Variants in CRHBP observed in about 807,000 individuals in gnomAD.
CRHBP encodes the protein corticotropin releasing hormone binding protein, also known as corticotropin-releasing hormone-binding protein.
A neutral mutation model predicts 34.9 loss-of-function variants in CRHBP; 19 were observed. The observed-to-expected ratio is 0.55, with a 90% confidence interval of 0.38 to 0.80. CRHBP has a LOEUF of 0.80. Among genes scored for constraint, CRHBP ranks in the 30% least tolerant of loss-of-function variants. The pLI is 0.00. For missense variants in CRHBP, 328 were observed against 409.2 expected, an observed-to-expected ratio of 0.80 and a Z score of 1.71; for synonymous variants, 154 against 153.4, an observed-to-expected ratio of 1.00 and a Z score of -0.03.
chr5:76,957,439 T>C (rs1204038786), intron 4 of CRHBP, among the ~76,000 whole-genome samples: 1 of 152,182 alleles, frequency 6.6e-6, no homozygotes, highest in Non-Finnish European at 1.5e-5. Context: ...CATGCTGGAG[T>C]GCAGTGGCAC....
chr5:76,975,259 T>C (rs925310204), intron 2 of CRHBP, among the ~76,000 whole-genome samples: 2 of 152,212 alleles, frequency 1.3e-5, no homozygotes, highest in Non-Finnish European at 1.5e-5. Flanking sequence ...AGTGAAAATA[T>C]TGCATTTTAC....
rs779221414 is a variant in CRHBP at position 76,954,087 on chromosome 5, G to A, written c.234G>A (p.Gln78=). The change falls in exon 3 of 7, where the codon CAG becomes CAA. Residue 78 remains glutamine (Q), a synonymous_variant. Coordinates refer to ENST00000274368, the MANE Select transcript of CRHBP (RefSeq NM_001882.4). ...GQFTFTADRP[Q]LHCAAFFISE... ...TCACCTTCACCGCCGACCGGCCGCA[G>A]CTGCACTGCGCAGCCTTCTTCATCA... is the stretch of plus-strand genomic sequence containing the variant. The A allele has an allele frequency of 8.1e-6, 13 of 1,614,000 alleles. No homozygotes were observed. The highest frequency in any genetic ancestry group is 1.1e-5 in the Non-Finnish European group (13 of 1,179,946).
At position 76,976,069 on chromosome 5, in the gene CRHBP, T is replaced by C. The variant is rs192005564; in HGVS notation, n.312-296T>C. Among the ~76,000 whole-genome samples, 34 of 151,396 alleles carry C rather than the reference T, an allele frequency of 2.2e-4. 1 individual carries two copies. In the East Asian group the frequency reaches 6.4e-3, roughly 28 times the overall value. ...CCTTCACCCATCACATCCAGGCTTA[T>C]TAGCAGAGGCCTCTGTGATCTTATA... is the stretch of plus-strand genomic sequence containing the variant. On this transcript the variant is annotated intron_variant and non_coding_transcript_variant, in intron 2 of 3. Transcript: ENST00000514258.
rs1745597620 is a variant in CRHBP at position 76,953,220 on chromosome 5, G to A, written c.81+5G>A. 2 of 1,613,384 alleles carry A rather than the reference G, an allele frequency of 1.2e-6. No individual in the cohort carries two copies. The highest frequency in any genetic ancestry group is 1.7e-6 in the Non-Finnish European group (2 of 1,179,434). On this transcript the variant is annotated splice_donor_5th_base_variant and intron_variant, in intron 1 of 6. Transcript: ENST00000274368. Reference sequence around the variant, plus strand: ...GGGGAAAGCCGGTACCTAGAGGTGAGCCACCCCTGGACTGACCCATCTCAC... The same window carrying A: ...GGGGAAAGCCGGTACCTAGAGGTGAACCACCCCTGGACTGACCCATCTCAC...
rs111830020 is a variant in CRHBP at position 76,954,986 on chromosome 5, G to A, written c.334-667G>A. Among the ~76,000 whole-genome samples, 532 of 152,292 alleles carry A rather than the reference G, an allele frequency of 3.5e-3. 3 individuals are homozygous for A. Among genetic ancestry groups the A allele is most frequent in the African/African-American group, 0.012 (497 of 41,556 alleles). ...TGCTAATGTGGACTAGATTGGACTCGTTAAACTGGAGACCTGTGGTGATTT... is the reference window on the plus strand; with the variant it reads ...TGCTAATGTGGACTAGATTGGACTCATTAAACTGGAGACCTGTGGTGATTT... On this transcript the variant is annotated intron_variant, in intron 3 of 6. Transcript: ENST00000274368.
At chr5:76,973,969 A>G (rs1031541682), downstream of CRHBP, among the ~76,000 whole-genome samples, 18 of 141,982 alleles carry the variant, frequency 1.3e-4, no homozygotes, top group African/African-American at 4.6e-4. Context: ...ACACCTGGCT[A>G]ATTTTCTAAA....
In CRHBP at chr5:76,955,725, C is replaced by T. The variant is rs1268495069; in HGVS notation, c.406C>T (p.Arg136Trp). The change falls in exon 4 of 7, where the codon CGG (arginine) becomes TGG (tryptophan). Residue 136 changes from arginine (R) to tryptophan (W), a missense_variant. Arg to Trp is a moderately radical substitution (Grantham distance 101). Coordinates refer to ENST00000274368, the MANE Select transcript of CRHBP (RefSeq NM_001882.4). ...SQDHPLPSAE[R>W]YIDFCESGLS... ...GGATCATCCTCTCCCCTCAGCTGAG[C>T]GGTACATAGATTTCTGTGAGAGTGG... 1.2e-5 allele frequency: 20 copies of T among 1,614,064 alleles called. No homozygotes were observed. Among genetic ancestry groups the T allele is most frequent in the Non-Finnish European group, 1.4e-5 (17 of 1,180,028 alleles).
rs1454231471 is a variant in CRHBP, at chr5:76,962,636, A to AG, written c.694-702dup. ...TCTACAAAATTGAAAAAAAAAAAAA[A>AG]GGGGGAAGCAGGAAAAGGTGATCAT... On this transcript the variant is annotated intron_variant, in intron 5 of 6. Transcript: ENST00000274368. Among the ~76,000 whole-genome samples, 21 of 150,528 alleles carry AG rather than the reference A, an allele frequency of 1.4e-4. 1 individual carries two copies. Among genetic ancestry groups the AG allele is most frequent in the Middle Eastern group, 6.8e-3 (2 of 292 alleles).
chr5:76,953,796 C>T lies in CRHBP; in HGVS notation c.175+102C>T, dbSNP rs1164373864. ...GCGGACATCTCGGGGAAGGGGCTGG[C>T]CGGAACCGCCAGGGGCGCGGTCCCC... On this transcript the variant is annotated intron_variant, in intron 2 of 6. Transcript: ENST00000274368. 8 of 1,316,132 alleles carry T rather than the reference C, an allele frequency of 6.1e-6. No individual in the cohort carries two copies. The East Asian group carries it at 1.3e-4, about 21-fold the overall frequency. 81.5% of individuals were successfully genotyped at this position (1,316,132 alleles called of 1,614,324 possible). A position where few individuals can be genotyped will look rare whatever the true frequency, so the allele number is the denominator to read the frequency against.
chr5:76,963,880 G>T (rs1378647975), intron 6 of CRHBP, among the ~76,000 whole-genome samples: 1 of 152,112 alleles, frequency 6.6e-6, no homozygotes, highest in South Asian at 2.1e-4. Context: ...ATGTGTGTGT[G>T]TTACTCATAG....
intron 4 of CRHBP, among the ~76,000 whole-genome samples, chr5:76,957,956 C>T (rs565491077): frequency 8.6e-5 from 13 of 151,820 alleles, no homozygotes; most frequent in African/African-American, 1.9e-4. Flanking sequence ...GTCAGGAGGT[C>T]GAGACCAGCC....
intron 4 of CRHBP, among the ~76,000 whole-genome samples, chr5:76,958,069 G>C (rs923815331): frequency 2.0e-5 from 3 of 151,966 alleles, no homozygotes; most frequent in African/African-American, 7.2e-5. Flanking sequence ...TGAGGCAGGA[G>C]AATCACTTGA....
At chr5:76,964,409 A>T (rs1745829252) in intron 6 of CRHBP, among the ~76,000 whole-genome samples, 1 of 152,326 alleles carries the variant, frequency 6.6e-6, no homozygotes, top group Non-Finnish European at 1.5e-5. Flanking sequence ...ATCAGCTGTT[A>T]CCTGTAATAA....
At chr5:76,953,536 C>T (rs1745606940) in intron 1 of CRHBP, 65 bp from the exon 2 acceptor site, 1 of 1,482,736 alleles carries the variant, frequency 6.7e-7, no homozygotes, top group Non-Finnish European at 9.3e-7. Flanking sequence ...GGGTGCCCCG[C>T]TCCTGGTCCC....
intron 3 of CRHBP, among the ~76,000 whole-genome samples, chr5:76,978,081 G>T (rs148037403): frequency 6.6e-6 from 1 of 152,096 alleles, no homozygotes; most frequent in African/African-American, 2.4e-5. Context: ...GGAACCTGCC[G>T]AAGAAAAGTT....
intron 3 of CRHBP, among the ~76,000 whole-genome samples, chr5:76,977,208 GATA>G (rs2150712229): frequency 6.6e-6 from 1 of 152,292 alleles, no homozygotes; most frequent in East Asian, 1.9e-4. Context: ...CTCTAAGATT[GATA>G]ATAAGAAAAT....
rs990750349 is a variant in CRHBP, at chr5:76,955,740, T to C, written c.421T>C (p.Cys141Arg). The C allele has an allele frequency of 6.2e-7, 1 of 1,614,120 alleles. No homozygotes were observed. Among genetic ancestry groups the C allele is most frequent in the Non-Finnish European group, 8.5e-7 (1 of 1,180,054 alleles). The change falls in exon 4 of 7, where the codon TGT becomes CGT. Residue 141 changes from cysteine (C) to arginine (R), a missense_variant. Coordinates refer to ENST00000274368, the MANE Select transcript of CRHBP (RefSeq NM_001882.4). ...CTCAGCTGAGCGGTACATAGATTTC[T>C]GTGAGAGTGGTCTTAGCAGGAGGAG... ...LPSAERYIDF[C>R]ESGLSRRSIR...
Position 76,969,028 on chromosome 5 carries a change from CACAT to C in CRHBP, c.*147_*150del. ...GAGCGCACGCGCGCACACACACACA[CACAT>C]ACACACACGCATTAATTTTTGTACT... On this transcript the variant is annotated 3_prime_UTR_variant, in exon 7 of 7. Coordinates refer to ENST00000274368, the MANE Select transcript of CRHBP (RefSeq NM_001882.4). 3 of 759,096 alleles carry C rather than the reference CACAT, an allele frequency of 4.0e-6. No homozygotes were observed. Among genetic ancestry groups the C allele is most frequent in the East Asian group, 5.9e-5 (2 of 33,900 alleles). 47.0% of individuals were successfully genotyped at this position (759,096 alleles called of 1,614,324 possible).
rs140616064 is a variant in CRHBP at position 76,968,867 on chromosome 5, C to T, written c.951C>T (p.Phe317=). ...ENPNGNSIGE[F]CLSGL is the part of the protein sequence containing the mutation. ...CAAATGGAAACAGTATCGGGGAATT[C>T]TGTTTGTCTGGTCTTTGAATAACCA... The change falls in exon 7 of 7, where the codon TTC becomes TTT. Residue 317 remains phenylalanine (F), a synonymous_variant. Transcript: ENST00000274368. The T allele has an allele frequency of 6.2e-7, 1 of 1,613,460 alleles. No homozygotes were observed. Among genetic ancestry groups the T allele is most frequent in the African/African-American group, 1.3e-5 (1 of 74,912 alleles).
Sources: gnomAD v4.1 joint callset for allele counts (sites outside exome capture counted in the v4.1 genomes callset) on GRCh38, gnomAD v4.1.1 for gene constraint, MANE v1.5 for transcripts, NCBI Gene and HGNC (gene_info 2026-07-23, HGNC 2026-07-21) for gene names.